Variants in LATS2 observed in about 807,000 individuals in gnomAD.
LATS2 encodes the protein serine/threonine-protein kinase LATS2.
Under a neutral mutation model 76.0 loss-of-function variants are expected in LATS2, and 24 were observed. The ratio of observed to expected loss-of-function variants is 0.32; its 90% CI spans 0.23 to 0.44. LATS2 has a LOEUF of 0.44. Ranked by LOEUF, LATS2 falls within the 20% of genes least tolerant of loss-of-function variation. The pLI, the probability that LATS2 is intolerant of heterozygous loss-of-function variation, is 1.00. For missense variants in LATS2, 1,286 were observed against 1,481.2 expected (o/e 0.87, Z 2.16); for synonymous variants, 692 against 635.4 (o/e 1.09, Z -1.34).
At chr13:21,004,392 C>T (rs570398138) in intron 2 of LATS2, among the ~76,000 whole-genome samples, 1 of 151,370 alleles carries the variant, frequency 6.6e-6, no homozygotes, top group Admixed American at 6.6e-5. Flanking sequence ...TGAGATTGCG[C>T]CATTGCACTC....
At chr13:21,002,014 C>T (rs937668772) in intron 2 of LATS2, among the ~76,000 whole-genome samples, 6 of 151,634 alleles carry the variant, frequency 4.0e-5, no homozygotes, top group South Asian at 2.1e-4. Context: ...CCTGGGTTCA[C>T]GCCATTCTCC....
chr13:21,009,265 G>A (rs1205695865), intron 2 of LATS2, among the ~76,000 whole-genome samples: 1 of 152,216 alleles, frequency 6.6e-6, no homozygotes, highest in Non-Finnish European at 1.5e-5. Context: ...CTCTTGGAAG[G>A]CAGGAGCAAG....
intron 2 of LATS2, among the ~76,000 whole-genome samples, chr13:20,997,638 C>T (rs954579830): frequency 1.3e-4 from 20 of 152,184 alleles, no homozygotes; most frequent in African/African-American, 4.3e-4. Context: ...GACCAGCTGC[C>T]AGACAGCCTA....
intron 2 of LATS2, among the ~76,000 whole-genome samples, chr13:21,039,826 A>C (rs1264355038): frequency 6.6e-6 from 1 of 152,182 alleles, no homozygotes; most frequent in Non-Finnish European, 1.5e-5. Context: ...TAATCCCAGC[A>C]CTTTAGGAAG....
chr13:21,010,673 G>GTTGAAATTAGAACCAAGTGGCC (rs1871557212), intron 2 of LATS2, among the ~76,000 whole-genome samples: 1 of 152,228 alleles, frequency 6.6e-6, no homozygotes, highest in Non-Finnish European at 1.5e-5. Flanking sequence ...CTGGGCCTTA[G>GTTGAAATTAGAACCAAGTGGCC]TTGAAATTAG....
In LATS2 at chr13:20,991,581, G is replaced by A. The variant is rs1870512833; in HGVS notation, c.343-177C>T. 6.6e-6 allele frequency among the ~76,000 whole-genome samples: 1 copy of A among 152,156 alleles called. No homozygotes were observed. Among genetic ancestry groups the A allele is most frequent in the Non-Finnish European group, 1.5e-5 (1 of 68,028 alleles). On this transcript the variant is annotated intron_variant, in intron 2 of 7. Coordinates refer to ENST00000382592, the MANE Select transcript of LATS2 (RefSeq NM_014572.3). This position sits in a 1 kb window ranked among gnomAD's most constrained non-coding sequence, Gnocchi z 4.9. ...AGTGCAGGTGGCTGTGTGCCCTGCAGGTACCTGATGGCAAAAGCCTAGCAC... is the reference window on the plus strand; with the variant it reads ...AGTGCAGGTGGCTGTGTGCCCTGCAAGTACCTGATGGCAAAAGCCTAGCAC...
chr13:20,978,118 C>G (rs1260184854), intron 7 of LATS2, among the ~76,000 whole-genome samples: 1 of 152,138 alleles, frequency 6.6e-6, no homozygotes, highest in African/African-American at 2.4e-5. Flanking sequence ...GGTTTCACTA[C>G]GTTGGCCAGG....
intron 1 of LATS2, among the ~76,000 whole-genome samples, chr13:21,047,920 GAAGAT>G (rs992627781): frequency 8.5e-5 from 13 of 152,150 alleles, no homozygotes; most frequent in South Asian, 4.1e-4. Flanking sequence ...ATTCCATTTA[GAAGAT>G]AAGAGAGAGA....
chr13:20,977,473 T>G (rs1595207925), intron 7 of LATS2, among the ~76,000 whole-genome samples: 1 of 137,942 alleles, frequency 7.2e-6, no homozygotes, highest in East Asian at 2.1e-4. Context: ...AAAAGGAGAG[T>G]GGGGAGTTTC....
Position 21,023,881 on chromosome 13 carries a change from G to C in LATS2, c.342+21804C>G, listed in dbSNP as rs149362900. ...TCAGCTATTCAGGAGGCTGAGGCAGGAGAATCGCTTGAACCCAGGAGGCAG... is the reference window on the plus strand; with the variant it reads ...TCAGCTATTCAGGAGGCTGAGGCAGCAGAATCGCTTGAACCCAGGAGGCAG... On this transcript the variant is annotated intron_variant, in intron 2 of 7. Transcript: ENST00000382592. Among the ~76,000 whole-genome samples, 1,332 of 151,774 alleles carry C rather than the reference G, an allele frequency of 8.8e-3. 9 individuals carry two copies. Among genetic ancestry groups the C allele is most frequent in the Admixed American group, 0.015 (229 of 15,242 alleles).
intron 2 of LATS2, among the ~76,000 whole-genome samples, chr13:21,007,530 G>T: frequency 9.0e-5 from 2 of 22,342 alleles, no homozygotes; most frequent in East Asian, 2.6e-3. Flanking sequence ...CGTAGGGGAT[G>T]GATATATATA....
rs1168222110 is a variant in LATS2, at chr13:21,024,957, A to G, written c.342+20728T>C. Among the ~76,000 whole-genome samples, 7 of 152,180 alleles carry G rather than the reference A, an allele frequency of 4.6e-5. No homozygotes were observed. In the South Asian group the frequency reaches 1.4e-3, roughly 31 times the overall value. On this transcript the variant is annotated intron_variant, in intron 2 of 7. Coordinates refer to ENST00000382592, the MANE Select transcript of LATS2 (RefSeq NM_014572.3). ...GGCCCAGAGACACGCACATTTATGTACAGCCCTGCAGACCAGGCTTCCCCC... is the reference window on the plus strand; with the variant it reads ...GGCCCAGAGACACGCACATTTATGTGCAGCCCTGCAGACCAGGCTTCCCCC...
chr13:21,044,856 T>C (rs185813697), intron 2 of LATS2, among the ~76,000 whole-genome samples: 21 of 65,716 alleles, frequency 3.2e-4, no homozygotes, highest in Non-Finnish European at 6.3e-4. Context: ...CAGCATCCCA[T>C]GTAGTTGGGA....
chr13:21,002,002 C>T (rs1192168563), intron 2 of LATS2, among the ~76,000 whole-genome samples: 2 of 151,752 alleles, frequency 1.3e-5, no homozygotes, highest in African/African-American at 2.4e-5. Flanking sequence ...CAAGCTCCGC[C>T]TCCTGGGTTC....
Position 20,983,637 on chromosome 13 carries a change from G to A in LATS2, c.2069C>T (p.Thr690Ile), listed in dbSNP as rs541225574. Residue 690 changes from threonine (T) to isoleucine (I), a missense_variant, in exon 5 of 8, where the codon ACT becomes ATT. Physicochemically the swap from Thr to Ile is moderately conservative, Grantham distance 89. Around this residue, in one of 5 missense-constraint regions of LATS2, gnomAD observed 247 missense variants for 385.4 expected, o/e 0.64. Coordinates refer to ENST00000382592, the MANE Select transcript of LATS2 (RefSeq NM_014572.3). ...GEVCLACKVD[T>I]HALYAMKTLR... ...GGTCTTCATGGCGTACAGGGCGTGA[G>A]TGTCCACCTTACAAGCAAGGCACAC... is the stretch of plus-strand genomic sequence containing the variant. The A allele has an allele frequency of 3.1e-6, 5 of 1,614,130 alleles. No individual in the cohort carries two copies. Among genetic ancestry groups the A allele is most frequent in the African/African-American group, 1.3e-5 (1 of 75,002 alleles).
chr13:21,000,490 T>A lies in LATS2; in HGVS notation c.343-9086A>T, dbSNP rs565104489. ...ATATTTATTATCAAAAGTTATTAAG[T>A]TTTTTTTATCCCGATTTAATGATTT... On this transcript the variant is annotated intron_variant, in intron 2 of 7. Coordinates refer to ENST00000382592, the MANE Select transcript of LATS2 (RefSeq NM_014572.3). 1.4e-3 allele frequency among the ~76,000 whole-genome samples: 205 copies of A among 149,634 alleles called. 2 individuals are homozygous for A. Among genetic ancestry groups the A allele is most frequent in the African/African-American group, 3.9e-3 (155 of 39,266 alleles).
At chr13:21,028,634 G>A (rs1357623564) in intron 2 of LATS2, among the ~76,000 whole-genome samples, 4 of 152,096 alleles carry the variant, frequency 2.6e-5, no homozygotes, top group Admixed American at 6.6e-5. Flanking sequence ...GCAGTAGCGC[G>A]ATCTTGACTC....
At chr13:21,002,419 G>A (rs958209161) in intron 2 of LATS2, among the ~76,000 whole-genome samples, 1 of 149,270 alleles carries the variant, frequency 6.7e-6, no homozygotes, top group African/African-American at 2.5e-5. Context: ...TTGTTGCACA[G>A]GCTGGAGTGC....
At chr13:21,016,216 A>G (rs899573101) in intron 2 of LATS2, among the ~76,000 whole-genome samples, 1 of 151,874 alleles carries the variant, frequency 6.6e-6, no homozygotes, top group African/African-American at 2.4e-5. Context: ...TGAACTCCTG[A>G]CTTCAGGTGA....
Sources: gnomAD v4.1 joint callset for allele counts (sites outside exome capture counted in the v4.1 genomes callset) on GRCh38, gnomAD v4.1.1 for gene constraint, gnomAD v4.1.1 regional missense constraint, Gnocchi (gnomAD v3.1) non-coding constraint, MANE v1.5 for transcripts, NCBI Gene and HGNC (gene_info 2026-07-23, HGNC 2026-07-21) for gene names.